Variants in TMEM82 observed in about 807,000 individuals in gnomAD.
TMEM82 encodes transmembrane protein 82.
A neutral mutation model predicts 29.2 loss-of-function variants in TMEM82; 30 were observed. The observed-to-expected ratio is 1.03, with a 90% CI of 0.77 to 1.39. The LOEUF (loss-of-function observed/expected upper bound fraction) is 1.39, where lower values mean the gene tolerates loss of function less well. Ranked by LOEUF, TMEM82 falls within the 40% of genes most tolerant of loss-of-function variation. The pLI is 0.00. For synonymous variants in TMEM82, 221 were observed against 225.4 expected (o/e 0.98, Z 0.18); for missense variants, 442 against 447.7 (o/e 0.99, Z 0.12).
At chr1:15,746,483 T>G (rs1337420763) in intron 4 of TMEM82, among the ~76,000 whole-genome samples, 1 of 151,446 alleles carries the variant, frequency 6.6e-6, no homozygotes, top group Non-Finnish European at 1.5e-5. Flanking sequence ...GAAGGTGGTT[T>G]GGGCCCAGGT....
At chr1:15,747,110 CA>C in intron 5 of TMEM82, 56 bp downstream of exon 5, 2 of 1,555,742 alleles carry the variant, frequency 1.3e-6, no homozygotes, top group Non-Finnish European at 1.7e-6. Flanking sequence ...TCAAACAGCC[CA>C]GGAGCCTCAA....
chr1:15,742,582 C>T lies in TMEM82; in HGVS notation c.23C>T (p.Pro8Leu). 1 of 1,597,672 alleles carries T rather than the reference C, an allele frequency of 6.3e-7. No homozygotes were observed. Among genetic ancestry groups the T allele is most frequent in the Non-Finnish European group, 8.5e-7 (1 of 1,172,998 alleles). Reference protein sequence around the residue: MFSLPSLPSWLPGLPSLE... With the variant: MFSLPSLLSWLPGLPSLE... ...GCCATGTTCTCTCTTCCATCCCTCCCCTCCTGGCTCCCCGGCCTCCCCTCC... is the reference window on the plus strand; with the variant it reads ...GCCATGTTCTCTCTTCCATCCCTCCTCTCCTGGCTCCCCGGCCTCCCCTCC... The change falls in exon 1 of 6, where the codon CCC (proline) becomes CTC (leucine). Residue 8 changes from proline (P) to leucine (L), a missense_variant. By Grantham distance (98) the Pro-to-Leu change is moderately conservative. Coordinates refer to ENST00000375782, the MANE Select transcript of TMEM82 (RefSeq NM_001013641.3).
chr1:15,745,533 A>AAGAGAG (rs201507087), intron 4 of TMEM82, among the ~76,000 whole-genome samples: 4 of 144,612 alleles, frequency 2.8e-5, no homozygotes, highest in Admixed American at 6.8e-5. Context: ...GAAAGAGAGA[A>AAGAGAG]AGAGAGAGAG....
At position 15,747,558 on chromosome 1, in the gene TMEM82, C is replaced by T. The variant is rs2068347736; in HGVS notation, c.958C>T (p.Gln320Ter). The T allele has an allele frequency of 5.6e-6, 9 of 1,614,052 alleles. No individual in the cohort carries two copies. The highest frequency in any genetic ancestry group is 6.8e-6 in the Non-Finnish European group (8 of 1,179,956). The change falls in exon 6 of 6, where the codon CAG becomes TAG. Residue 320 changes from glutamine (Q) to a stop codon, truncating the protein, a stop_gained. Transcript: ENST00000375782. LOFTEE classifies it low-confidence loss of function (END_TRUNC). ...DLCQIQDFPS[Q>*]RPPVSTPSQP... ...CGCTTTTCCTCAGGATTTTCCATCC[C>T]AGAGGCCTCCAGTGTCAACACCAAG...
chr1:15,744,287 T>G lies in TMEM82; in HGVS notation c.464T>G (p.Leu155Arg), dbSNP rs374481924. The G allele has an allele frequency of 3.3e-5, 51 of 1,552,812 alleles. No individual in the cohort carries two copies. In the Middle Eastern group the frequency reaches 5.5e-4, roughly 17 times the overall value. The change falls in exon 4 of 6, where the codon CTG becomes CGG. Residue 155 changes from leucine (L) to arginine (R), a missense_variant. By Grantham distance (102) the Leu-to-Arg change is moderately radical. Transcript: ENST00000375782. This position sits in a 1 kb window ranked among gnomAD's most constrained non-coding sequence, Gnocchi z 5.2. ...GAPHRTLNLLLSLGLATLLGL... is the reference protein window; with the variant it reads ...GAPHRTLNLLRSLGLATLLGL... ...CCTCACCGCACGCTGAACCTGCTGC[T>G]GAGCCTCGGGCTGGCCACGCTGCTG...
At chr1:15,747,446 C>T (rs925973782) in intron 5 of TMEM82, 100 bp from the exon 6 acceptor site, 1 of 1,026,026 alleles carries the variant, frequency 9.7e-7, no homozygotes, top group Admixed American at 1.8e-5. Context: ...CAGCAACAAC[C>T]CAGAGGCCCA....
chr1:15,743,852 C>T (rs1165841977), intron 3 of TMEM82, among the ~76,000 whole-genome samples: 1 of 152,084 alleles, frequency 6.6e-6, no homozygotes, highest in African/African-American at 2.4e-5. Flanking sequence ...GTAATCCCAG[C>T]TTCTTGGGAG....
Position 15,747,697 on chromosome 1 carries a change from C to T in TMEM82, c.*65C>T, listed in dbSNP as rs1181961877. The T allele has an allele frequency of 4.9e-6, 7 of 1,427,528 alleles. No individual in the cohort carries two copies. Among genetic ancestry groups the T allele is most frequent in the Non-Finnish European group, 6.9e-6 (7 of 1,021,434 alleles). 88.4% of individuals were successfully genotyped at this position (1,427,528 alleles called of 1,614,324 possible). A position where few individuals can be genotyped will look rare whatever the true frequency, so the allele number is the denominator to read the frequency against. ...TAGCCTGATCTCCGAGGCCTTGACC[C>T]CAGGGCGATGCCTGGAGGCAGAGTG... is the stretch of plus-strand genomic sequence containing the variant. On this transcript the variant is annotated 3_prime_UTR_variant, in exon 6 of 6. Coordinates refer to ENST00000375782, the MANE Select transcript of TMEM82 (RefSeq NM_001013641.3).
chr1:15,746,885 C>G lies in TMEM82; in HGVS notation c.776C>G (p.Pro259Arg). The change falls in exon 5 of 6, where the codon CCC becomes CGC. Residue 259 changes from proline (P) to arginine (R), a missense_variant. Transcript: ENST00000375782. Reference protein sequence around the residue: ...IYMQEEQRQHPGLQSQVQTVL... With the variant: ...IYMQEEQRQHRGLQSQVQTVL... Reference sequence around the variant, plus strand: ...CCCACAGAGGAGCAGCGGCAGCACCCCGGCCTGCAGAGCCAGGTGCAGACG... The same window carrying G: ...CCCACAGAGGAGCAGCGGCAGCACCGCGGCCTGCAGAGCCAGGTGCAGACG... 6.3e-7 allele frequency: 1 copy of G among 1,592,332 alleles called. No homozygotes were observed. The highest frequency in any genetic ancestry group is 8.5e-7 in the Non-Finnish European group (1 of 1,174,784).
rs774219031 is a variant in TMEM82 at position 15,746,938 on chromosome 1, G to A, written c.829G>A (p.Val277Met). The change falls in exon 5 of 6, where the codon GTG (valine) becomes ATG (methionine). Residue 277 changes from valine (V) to methionine (M), a missense_variant. Transcript: ENST00000375782. ...GCTGGTGCGCATGGGCGGCCTCTTC[G>A]TGCTGCTGCTGACTGTGGGTCGCTG... ...TVLVRMGGLF[V>M]LLLTVGRWLD... The A allele has an allele frequency of 1.9e-5, 30 of 1,610,100 alleles. No individual in the cohort carries two copies. The East Asian group carries it at 3.1e-4, about 17-fold the overall frequency.
rs571016161 is a variant in TMEM82 at position 15,745,577 on chromosome 1, A to AAGAG, written c.757+1009_757+1012dup. On this transcript the variant is annotated intron_variant, in intron 4 of 5. Transcript: ENST00000375782. ...AAAGAGAGAAAGAGAGAGAGAGAGA[A>AAGAG]AGAGAGAGAGAGAGAAAGAGAGAAG... 9.2e-3 allele frequency among the ~76,000 whole-genome samples: 1,374 copies of AAGAG among 148,844 alleles called. 25 individuals carry two copies. Among genetic ancestry groups the AAGAG allele is most frequent in the African/African-American group, 0.032 (1,302 of 40,458 alleles).
intron 3 of TMEM82, among the ~76,000 whole-genome samples, 182 bp downstream of exon 3, chr1:15,743,376 C>T (rs2068307754): frequency 6.6e-6 from 1 of 152,278 alleles, no homozygotes; most frequent in East Asian, 1.9e-4. Context: ...CGGCCACACT[C>T]ACAGTGGACA....
intron 4 of TMEM82, among the ~76,000 whole-genome samples, chr1:15,746,455 G>A (rs1365970413): frequency 1.3e-5 from 2 of 152,036 alleles, no homozygotes; most frequent in African/African-American, 2.4e-5. Flanking sequence ...GCCTGGCAAG[G>A]AGGCTTCTTG....
At chr1:15,746,588 AAAAG>A in intron 4 of TMEM82, among the ~76,000 whole-genome samples, 1 of 151,602 alleles carries the variant, frequency 6.6e-6, no homozygotes. Flanking sequence ...GGGTGTGCGG[AAAAG>A]AAAGGAGTCA....
In TMEM82 at chr1:15,747,010, T is replaced by C. The variant is rs1163518415; in HGVS notation, c.901T>C (p.Cys301Arg). The C allele has an allele frequency of 6.2e-7, 1 of 1,612,064 alleles. No individual in the cohort carries two copies. The highest frequency in any genetic ancestry group is 8.5e-7 in the Non-Finnish European group (1 of 1,179,870). ...TGTCTCCCTACTGGGCGAGCTCTGG[T>C]GTCTCGTGGGCGTCCGCACCCTGCT... ...ILVSLLGELW[C>R]LVGVRTLLDL... The change falls in exon 5 of 6, where the codon TGT (cysteine) becomes CGT (arginine). Residue 301 changes from cysteine (C) to arginine (R), a missense_variant. Cys to Arg is a radical substitution (Grantham distance 180). Transcript: ENST00000375782.
Position 15,742,509 on chromosome 1 carries a change from TCTGTCCTTACGCAGAC to T in TMEM82, c.-47_-32del, listed in dbSNP as rs751099238. 7.0e-7 allele frequency: 1 copy of T among 1,422,848 alleles called. No homozygotes were observed. Among genetic ancestry groups the T allele is most frequent in the Non-Finnish European group, 9.4e-7 (1 of 1,062,666 alleles). 88.1% of individuals were successfully genotyped at this position (1,422,848 alleles called of 1,614,324 possible). A position where few individuals can be genotyped will look rare whatever the true frequency, so the allele number is the denominator to read the frequency against. ...CGACACCTTTGCCCAGTGACGTTGG[TCTGTCCTTACGCAGAC>T]CTGGCCGGAGGCTGGGGCTCCTTCC... is the stretch of plus-strand genomic sequence containing the variant. On this transcript the variant is annotated 5_prime_UTR_variant, in exon 1 of 6. Coordinates refer to ENST00000375782, the MANE Select transcript of TMEM82 (RefSeq NM_001013641.3).
intron 4 of TMEM82, among the ~76,000 whole-genome samples, chr1:15,745,521 A>G (rs2068327370): frequency 7.8e-6 from 1 of 128,356 alleles, no homozygotes; most frequent in African/African-American, 3.6e-5. Context: ...TCTGGAAAGA[A>G]AGAAAGAGAG....
chr1:15,744,257 G>A lies in TMEM82; in HGVS notation c.434G>A (p.Gly145Asp), dbSNP rs924130013. The A allele has an allele frequency of 1.9e-6, 3 of 1,575,062 alleles. No homozygotes were observed. Among genetic ancestry groups the A allele is most frequent in the African/African-American group, 1.3e-5 (1 of 74,332 alleles). The change falls in exon 4 of 6, where the codon GGC becomes GAC. Residue 145 changes from glycine to aspartate, a missense_variant. By Grantham distance (94) the Gly-to-Asp change is moderately conservative. Coordinates refer to ENST00000375782, the MANE Select transcript of TMEM82 (RefSeq NM_001013641.3). This position sits in a 1 kb window ranked among gnomAD's most constrained non-coding sequence, Gnocchi z 5.2. ...LTCGLSFLQE[G>D]APHRTLNLLL... ...TGTGGCCTGAGCTTCCTGCAGGAGG[G>A]CGCCCCTCACCGCACGCTGAACCTG...
Position 15,742,891 on chromosome 1 carries a change from T to C in TMEM82, c.145T>C (p.Phe49Leu). ...GAACAGCCTCCTGAAAGTTTACTTC[T>C]TCGTGGGCTGTGCCAAGTGAGTGCC... ...VLNSLLKVYF[F>L]VGCANDPQRR... The change falls in exon 2 of 6, where the codon TTC (phenylalanine) becomes CTC (leucine). Residue 49 changes from phenylalanine to leucine, a missense_variant. Coordinates refer to ENST00000375782, the MANE Select transcript of TMEM82 (RefSeq NM_001013641.3). 4 of 1,612,842 alleles carry C rather than the reference T, an allele frequency of 2.5e-6. No individual in the cohort carries two copies. The highest frequency in any genetic ancestry group is 1.1e-5 in the South Asian group (1 of 91,080).
Sources: allele counts gnomAD v4.1 joint callset (sites outside exome capture counted in the v4.1 genomes callset), GRCh38; gene constraint gnomAD v4.1.1; non-coding constraint Gnocchi (gnomAD v3.1); transcripts MANE v1.5; gene names NCBI Gene and HGNC (gene_info 2026-07-23, HGNC 2026-07-21).